Variants in MUSK observed in about 807,000 individuals in gnomAD.
MUSK encodes the protein muscle, skeletal receptor tyrosine-protein kinase.
In MUSK, 55 loss-of-function variants were observed where a neutral mutation model predicts 88.7. The observed-to-expected ratio is 0.62, with a 90% CI of 0.50 to 0.78. The LOEUF is 0.78. Among genes scored for constraint, MUSK ranks in the 30% least tolerant of loss-of-function variants. The pLI is 0.00. For synonymous variants in MUSK, 387 were observed against 391.9 expected (o/e 0.99, Z 0.15); for missense variants, 1,015 against 1,074.3 (o/e 0.94, Z 0.77).
chr9:110,798,412 G>A (rs541940574), intron 14 of MUSK, among the ~76,000 whole-genome samples: 1 of 152,296 alleles, frequency 6.6e-6, no homozygotes, highest in Non-Finnish European at 1.5e-5. Flanking sequence ...AATGGGAGTA[G>A]GCATTGAATA....
chr9:110,800,684 T>A lies in MUSK; in HGVS notation c.2306T>A (p.Met769Lys), dbSNP rs760521422. 6.2e-7 allele frequency: 1 copy of A among 1,614,040 alleles called. No homozygotes were observed. Among genetic ancestry groups the A allele is most frequent in the East Asian group, 2.2e-5 (1 of 44,870 alleles). ...AACGACGCTATCCCTATCCGTTGGA[T>A]GCCACCAGAGTCCATTTTTTATAAC... Reference protein sequence around the residue: ...NENDAIPIRWMPPESIFYNRY... With the variant: ...NENDAIPIRWKPPESIFYNRY... Residue 769 changes from methionine to lysine, a missense_variant, in exon 15 of 15, where the codon ATG becomes AAG. Coordinates refer to ENST00000374448, the MANE Select transcript of MUSK (RefSeq NM_005592.4).
chr9:110,729,165 T>G (rs1230973005), intron 5 of MUSK, among the ~76,000 whole-genome samples: 1 of 151,420 alleles, frequency 6.6e-6, no homozygotes, highest in Non-Finnish European at 1.5e-5. Flanking sequence ...AGGAGTATTA[T>G]GCAATTGCTC....
intron 2 of MUSK, among the ~76,000 whole-genome samples, chr9:110,686,432 G>A (rs560413687): frequency 6.6e-6 from 1 of 152,108 alleles, no homozygotes; most frequent in Non-Finnish European, 1.5e-5. Flanking sequence ...CTTACCACAC[G>A]CATTTGGCAT....
In MUSK at chr9:110,701,681, TTTAC is replaced by T. The variant is rs1587926554; in HGVS notation, c.628+4218_628+4221del. On this transcript the variant is annotated intron_variant, in intron 5 of 14. Coordinates refer to ENST00000374448, the MANE Select transcript of MUSK (RefSeq NM_005592.4). Reference sequence around the variant, plus strand: ...ATTTTATTTATTTTATTTTATTTTTTTTACTTTACTTTATTTTATTTTATTTTAT... The same window carrying T: ...ATTTTATTTATTTTATTTTATTTTTTTTTACTTTATTTTATTTTATTTTAT... Among the ~76,000 whole-genome samples, 11 of 7,114 alleles carry T rather than the reference TTTAC, an allele frequency of 1.5e-3. 5 individuals carry two copies. The East Asian group carries it at 0.18, about 115-fold the overall frequency. The allele number at this position is 7,114 out of a possible 152,430, so 4.7% of individuals were successfully genotyped here. A position where few individuals can be genotyped will look rare whatever the true frequency, so the allele number is the denominator to read the frequency against.
At position 110,779,933 on chromosome 9, in the gene MUSK, T is replaced by C. The variant is rs1023308323; in HGVS notation, c.1384+3278T>C. ...GTAAAATGTCACTCTTGTCTTGTTT[T>C]AGTGCTTTTAGCTTTAAATTTCTAG... is the stretch of plus-strand genomic sequence containing the variant. On this transcript the variant is annotated intron_variant, in intron 11 of 14. Coordinates refer to ENST00000374448, the MANE Select transcript of MUSK (RefSeq NM_005592.4). 2.0e-5 allele frequency among the ~76,000 whole-genome samples: 3 copies of C among 152,332 alleles called. No homozygotes were observed. The South Asian group carries it at 6.2e-4, about 32-fold the overall frequency.
chr9:110,752,217 A>G (rs1467812227), intron 7 of MUSK, among the ~76,000 whole-genome samples: 1 of 152,272 alleles, frequency 6.6e-6, no homozygotes, highest in African/African-American at 2.4e-5. Flanking sequence ...TGTGAGTTAG[A>G]CCTGCTAGAA....
In MUSK at chr9:110,755,937, T is replaced by TATATAAC. The variant is rs1462068239; in HGVS notation, c.914-6260_914-6259insACATATA. Among the ~76,000 whole-genome samples, 635 of 88,334 alleles carry TATATAAC rather than the reference T, an allele frequency of 7.2e-3. 10 individuals carry two copies. Among genetic ancestry groups the TATATAAC allele is most frequent in the Middle Eastern group, 0.022 (4 of 182 alleles). 58.0% of individuals were successfully genotyped at this position (88,334 alleles called of 152,430 possible). A position where few individuals can be genotyped will look rare whatever the true frequency, so the allele number is the denominator to read the frequency against. ...GCCCAGTGCCATATATATATACATA[T>TATATAAC]ATATATATATATACACATATATATA... On this transcript the variant is annotated intron_variant, in intron 7 of 14. Coordinates refer to ENST00000374448, the MANE Select transcript of MUSK (RefSeq NM_005592.4).
chr9:110,758,139 T>A (rs931209547), intron 7 of MUSK, among the ~76,000 whole-genome samples: 13 of 152,080 alleles, frequency 8.5e-5, no homozygotes, highest in African/African-American at 3.1e-4. Flanking sequence ...AATTTTTGTA[T>A]TTTTTGTAAA....
chr9:110,727,865 A>G (rs928138448), intron 5 of MUSK, among the ~76,000 whole-genome samples: 10 of 152,126 alleles, frequency 6.6e-5, no homozygotes, highest in African/African-American at 9.7e-5. Flanking sequence ...CAGTTGACAT[A>G]TTACTAACTC....
intron 5 of MUSK, among the ~76,000 whole-genome samples, chr9:110,707,037 AAG>A (rs139192477): frequency 2.7e-5 from 4 of 148,192 alleles, no homozygotes; most frequent in Admixed American, 6.7e-5. Context: ...GAAACAAATA[AAG>A]AGAGAGAGAG....
rs553238350 is a variant in MUSK at position 110,733,042 on chromosome 9, T to C, written c.629-1209T>C. 2.0e-5 allele frequency among the ~76,000 whole-genome samples: 3 copies of C among 152,256 alleles called. No individual in the cohort carries two copies. The South Asian group carries it at 6.2e-4, about 32-fold the overall frequency. ...GTAGCACATGTGGTCTCCCATACTT[T>C]AGTTTAGAATCCAATATTCACAAAT... On this transcript the variant is annotated intron_variant, in intron 5 of 14. Transcript: ENST00000374448.
At chr9:110,701,349 T>C (rs1181604459) in intron 5 of MUSK, among the ~76,000 whole-genome samples, 1 of 151,928 alleles carries the variant, frequency 6.6e-6, no homozygotes, top group Admixed American at 6.6e-5. Flanking sequence ...AATGTTGGAG[T>C]TTTGTCAGGA....
At chr9:110,669,594 C>A (rs2075931330) in intron 1 of MUSK, among the ~76,000 whole-genome samples, 1 of 151,978 alleles carries the variant, frequency 6.6e-6, no homozygotes, top group Admixed American at 6.6e-5. Flanking sequence ...TTTTTCAGAG[C>A]CTTTGGAATG....
At chr9:110,791,246 G>A (rs1175475179) in intron 14 of MUSK, among the ~76,000 whole-genome samples, 1 of 144,980 alleles carries the variant, frequency 6.9e-6, no homozygotes, top group Non-Finnish European at 1.5e-5. Context: ...GCAGGCCAGT[G>A]TGTGTGCGCA....
At chr9:110,745,249 G>C (rs1239323919) in intron 6 of MUSK, among the ~76,000 whole-genome samples, 1 of 152,136 alleles carries the variant, frequency 6.6e-6, no homozygotes, top group Admixed American at 6.5e-5. Flanking sequence ...TTCCTACTAA[G>C]GATGTTTTCA....
chr9:110,741,369 C>A lies in MUSK; in HGVS notation c.754-6272C>A, dbSNP rs72756521. 9.9e-3 allele frequency among the ~76,000 whole-genome samples: 1,507 copies of A among 152,204 alleles called. 10 individuals are homozygous for A. Among genetic ancestry groups the A allele is most frequent in the Middle Eastern group, 0.017 (5 of 294 alleles). The stretch of plus-strand genomic sequence containing the variant: ...TGCTCTATACTTGTACCTGGCCCCA[C>A]CCTTGTCTCTCTAAAGCAGGGTGCC... On this transcript the variant is annotated intron_variant, in intron 6 of 14. Transcript: ENST00000374448.
rs549519403 is a variant in MUSK at position 110,696,888 on chromosome 9, C to G, written c.487-437C>G. ...GGCCAAGTCTGAGATTTTAGCGTGC[C>G]TATTACCTGAGTGCTGTACATTATA... On this transcript the variant is annotated intron_variant, in intron 4 of 14. Transcript: ENST00000374448. 5.9e-5 allele frequency among the ~76,000 whole-genome samples: 9 copies of G among 151,744 alleles called. No homozygotes were observed. In the South Asian group the frequency reaches 1.9e-3, roughly 32 times the overall value.
intron 7 of MUSK, among the ~76,000 whole-genome samples, chr9:110,750,080 C>T (rs1564264609): frequency 6.6e-6 from 1 of 151,700 alleles, no homozygotes; most frequent in Non-Finnish European, 1.5e-5. Context: ...TATACACACA[C>T]ATGGAGAGAG....
intron 1 of MUSK, among the ~76,000 whole-genome samples, chr9:110,673,065 G>A (rs890964009): frequency 6.6e-6 from 1 of 152,170 alleles, no homozygotes; most frequent in Non-Finnish European, 1.5e-5. Flanking sequence ...GAGACAGTGT[G>A]CTGAGTCAAC....
Sources: gnomAD v4.1 joint callset for allele counts (sites outside exome capture counted in the v4.1 genomes callset) on GRCh38, gnomAD v4.1.1 for gene constraint, MANE v1.5 for transcripts, NCBI Gene and HGNC (gene_info 2026-07-23, HGNC 2026-07-21) for gene names.